The following KCNMA1 variants were observed in gnomAD, a reference collection of about 807,000 sequenced individuals.
KCNMA1 encodes potassium calcium-activated channel subfamily M alpha 1.
In KCNMA1, 29 loss-of-function variants were observed where a neutral mutation model predicts 140.0. That is an observed-to-expected ratio of 0.21 (90% CI 0.15 to 0.28). The LOEUF is 0.28. Among genes scored for constraint, KCNMA1 ranks in the 10% least tolerant of loss-of-function variants. KCNMA1 has a pLI of 1.00. For synonymous variants in KCNMA1, 612 were observed against 611.9 expected (o/e 1.00, Z 0.00); for missense variants, 880 against 1,602.2 (o/e 0.55, Z 7.70).
chr10:77,085,252 A>T (rs532415718), intron 11 of KCNMA1, among the ~76,000 whole-genome samples: 1 of 152,202 alleles, frequency 6.6e-6, no homozygotes, highest in East Asian at 1.9e-4. Context: ...TAACATCACC[A>T]TATTGCTTAG....
At chr10:77,252,624 A>C (rs562143876) in intron 2 of KCNMA1, among the ~76,000 whole-genome samples, 1 of 152,158 alleles carries the variant, frequency 6.6e-6, no homozygotes, top group East Asian at 1.9e-4. Flanking sequence ...CCACACACAC[A>C]CACACTCCTG....
At chr10:77,288,758 A>G (rs1418657646) in intron 2 of KCNMA1, among the ~76,000 whole-genome samples, 1 of 152,218 alleles carries the variant, frequency 6.6e-6, no homozygotes, top group Non-Finnish European at 1.5e-5. Flanking sequence ...AGTATGGCCA[A>G]TTGATGGCCT....
intron 3 of KCNMA1, among the ~76,000 whole-genome samples, chr10:77,216,820 A>G (rs190786414): frequency 2.2e-4 from 34 of 152,322 alleles, no homozygotes; most frequent in Non-Finnish European, 2.9e-4. Flanking sequence ...TCATTCATTT[A>G]ATCTTCAACA....
chr10:77,199,087 G>T (rs1440065140), intron 3 of KCNMA1, among the ~76,000 whole-genome samples: 1 of 152,038 alleles, frequency 6.6e-6, no homozygotes, highest in African/African-American at 2.4e-5. Context: ...GATTCCTCCC[G>T]ACACTACCTT....
chr10:77,082,039 T>C (rs2096591118), intron 12 of KCNMA1, among the ~76,000 whole-genome samples: 1 of 130,570 alleles, frequency 7.7e-6, no homozygotes, highest in Non-Finnish European at 1.6e-5. Context: ...TTTTTTTTTT[T>C]TTTAAGACGG....
At chr10:77,240,088 C>A (rs774742082) in intron 3 of KCNMA1, among the ~76,000 whole-genome samples, 2 of 152,144 alleles carry the variant, frequency 1.3e-5, no homozygotes, top group Admixed American at 6.5e-5. Flanking sequence ...AGATTTGGGC[C>A]TCTCTTCTTA....
chr10:77,457,499 C>T (rs2154522648), intron 1 of KCNMA1, among the ~76,000 whole-genome samples: 1 of 152,270 alleles, frequency 6.6e-6, no homozygotes, highest in South Asian at 2.1e-4. Context: ...CTGCTGGATC[C>T]TGAGTTCTAG....
At chr10:77,235,966 G>A (rs1442037137) in intron 3 of KCNMA1, among the ~76,000 whole-genome samples, 1 of 152,150 alleles carries the variant, frequency 6.6e-6, no homozygotes, top group Non-Finnish European at 1.5e-5. Flanking sequence ...GATAGTAACA[G>A]TGTTATTTTG....
intron 1 of KCNMA1, among the ~76,000 whole-genome samples, chr10:77,496,362 C>T (rs756974855): frequency 6.6e-6 from 1 of 151,986 alleles, no homozygotes; most frequent in African/African-American, 2.4e-5. Context: ...TTTGGGAGGC[C>T]GAGATGGGCA....
intron 14 of KCNMA1, among the ~76,000 whole-genome samples, chr10:77,056,926 G>A (rs1000373588): frequency 6.6e-6 from 1 of 152,016 alleles, no homozygotes; most frequent in African/African-American, 2.4e-5. Flanking sequence ...AGGGTCCTCT[G>A]ATACATCAGA....
chr10:77,127,684 A>G (rs2097771638), intron 5 of KCNMA1, among the ~76,000 whole-genome samples: 1 of 152,104 alleles, frequency 6.6e-6, no homozygotes, highest in Non-Finnish European at 1.5e-5. Flanking sequence ...TAAGAATCCC[A>G]ATTTGAGGTC....
intron 24 of KCNMA1, 100 bp from the exon 25 acceptor site, chr10:76,910,196 G>A (rs992480873): frequency 5.9e-6 from 8 of 1,358,724 alleles, no homozygotes; most frequent in Non-Finnish European, 8.3e-6. Flanking sequence ...TGAAGTCATT[G>A]AGAAGGAAAC....
At position 77,420,325 on chromosome 10, in the gene KCNMA1, G is replaced by A. The variant is rs367845736; in HGVS notation, c.379-16302C>T. Among the ~76,000 whole-genome samples, 16 of 152,350 alleles carry A rather than the reference G, an allele frequency of 1.1e-4. No individual in the cohort carries two copies. The South Asian group carries it at 3.3e-3, about 32-fold the overall frequency. Reference sequence around the variant, plus strand: ...CTGCACCCACCGGAGGCTGTTAATAGACCTGTCATTGTGCTCATGTTGGAT... The same window carrying A: ...CTGCACCCACCGGAGGCTGTTAATAAACCTGTCATTGTGCTCATGTTGGAT... On this transcript the variant is annotated intron_variant, in intron 1 of 27. Transcript: ENST00000286628.
intron 3 of KCNMA1, among the ~76,000 whole-genome samples, chr10:77,249,246 G>T (rs983118535): frequency 6.6e-6 from 1 of 152,134 alleles, no homozygotes; most frequent in Non-Finnish European, 1.5e-5. Context: ...TGCCATCTTC[G>T]CCAAGGCCTA....
chr10:77,405,687 C>G (rs2096449130), intron 1 of KCNMA1, among the ~76,000 whole-genome samples: 1 of 152,186 alleles, frequency 6.6e-6, no homozygotes, highest in Non-Finnish European at 1.5e-5. Flanking sequence ...TAAAAAGATG[C>G]CAGCAAATTA....
chr10:77,047,306 G>C (rs991030537), intron 14 of KCNMA1, among the ~76,000 whole-genome samples: 4 of 152,164 alleles, frequency 2.6e-5, no homozygotes, highest in African/African-American at 9.7e-5. Flanking sequence ...GTGGGCTGCA[G>C]ACTATCAAAT....
At chr10:77,205,239 T>C (rs191877341) in intron 3 of KCNMA1, among the ~76,000 whole-genome samples, 2 of 152,256 alleles carry the variant, frequency 1.3e-5, no homozygotes, top group Admixed American at 1.3e-4. Context: ...AAATGATATA[T>C]TTTTTTGTGC....
intron 24 of KCNMA1, chr10:76,911,526 G>A (rs1209937848): frequency 6.6e-6 from 1 of 152,202 alleles, no homozygotes. Context: ...TAAAATGGGG[G>A]AGTTACAGCA....
chr10:77,338,453 G>A (rs991357480), intron 2 of KCNMA1, among the ~76,000 whole-genome samples: 6 of 152,116 alleles, frequency 3.9e-5, no homozygotes, highest in African/African-American at 1.2e-4. Context: ...AGCTCTCAGC[G>A]AAAATCCTCC....
Sources: allele counts gnomAD v4.1 joint callset (sites outside exome capture counted in the v4.1 genomes callset), GRCh38; gene constraint gnomAD v4.1.1; transcripts MANE v1.5; gene names NCBI Gene and HGNC (gene_info 2026-07-23, HGNC 2026-07-21).